CSMD1: variants seen among roughly 807,000 people sequenced by gnomAD.
CSMD1 encodes the protein CUB and Sushi multiple domains 1.
CSMD1 carries 213 observed loss-of-function variants against 417.5 expected under a neutral mutation model. That is an observed-to-expected ratio of 0.51 (90% CI 0.46 to 0.57). The LOEUF is 0.57. CSMD1 is among the 20% of genes least tolerant of loss of function. The pLI is 0.00. For missense variants in CSMD1, 6,923 were observed against 4,529.7 expected, an observed-to-expected ratio of 1.53 and a Z score of -15.17; for synonymous variants, 2,862 against 1,736.8, an observed-to-expected ratio of 1.65 and a Z score of -16.11.
intron 49 of CSMD1, among the ~76,000 whole-genome samples, chr8:3,077,832 G>A (rs1276498137): frequency 6.6e-6 from 1 of 152,222 alleles, no homozygotes; most frequent in Non-Finnish European, 1.5e-5. Flanking sequence ...ATCCTTCAGT[G>A]TCAGCTGGTA....
intron 2 of CSMD1, among the ~76,000 whole-genome samples, chr8:4,545,744 T>G (rs1797600487): frequency 6.6e-6 from 1 of 152,104 alleles, no homozygotes; most frequent in South Asian, 2.1e-4. Flanking sequence ...TTCACAGGCA[T>G]CCATGGAAAA....
chr8:4,760,667 G>C (rs1008646333), intron 1 of CSMD1, among the ~76,000 whole-genome samples: 3 of 152,020 alleles, frequency 2.0e-5, no homozygotes, highest in Admixed American at 6.6e-5. Context: ...GTAACATTTT[G>C]TCTATTTCCT....
intron 1 of CSMD1, among the ~76,000 whole-genome samples, chr8:4,846,065 G>C (rs1022336853): frequency 6.6e-6 from 1 of 152,094 alleles, no homozygotes; most frequent in Non-Finnish European, 1.5e-5. Flanking sequence ...CCGGTTTGTT[G>C]TGCTACGTCC....
chr8:4,387,731 A>G (rs541134734), intron 3 of CSMD1, among the ~76,000 whole-genome samples: 7 of 152,260 alleles, frequency 4.6e-5, no homozygotes, highest in Admixed American at 4.6e-4. Context: ...GCTAAAATAG[A>G]CATATTTCTA....
intron 18 of CSMD1, among the ~76,000 whole-genome samples, chr8:3,374,969 C>T (rs1237017899): frequency 5.9e-5 from 9 of 152,250 alleles, no homozygotes; most frequent in East Asian, 1.9e-4. Flanking sequence ...AGTTGAAGCA[C>T]GCAGACAATT....
chr8:3,180,623 G>A (rs147292644), intron 37 of CSMD1, among the ~76,000 whole-genome samples: 2 of 152,086 alleles, frequency 1.3e-5, no homozygotes, highest in East Asian at 3.9e-4. Flanking sequence ...CTCTCATAAT[G>A]TATATTTCTT....
intron 10 of CSMD1, among the ~76,000 whole-genome samples, chr8:3,535,249 A>T (rs993315139): frequency 6.6e-6 from 1 of 152,272 alleles, no homozygotes; most frequent in Non-Finnish European, 1.5e-5. Context: ...CACCGCACCC[A>T]GCCACTGTGG....
chr8:4,102,872 T>C (rs911144801), intron 3 of CSMD1, among the ~76,000 whole-genome samples: 5 of 152,182 alleles, frequency 3.3e-5, no homozygotes. Flanking sequence ...ACCAGCGCCC[T>C]TACCTCTGCA....
At chr8:4,236,495 G>T (rs899150304) in intron 3 of CSMD1, among the ~76,000 whole-genome samples, 3 of 152,102 alleles carry the variant, frequency 2.0e-5, no homozygotes, top group South Asian at 2.1e-4. Flanking sequence ...GCCAGAGTAG[G>T]AATCTGAGAT....
At chr8:4,745,694 G>C (rs1043383117) in intron 1 of CSMD1, among the ~76,000 whole-genome samples, 2 of 152,186 alleles carry the variant, frequency 1.3e-5, no homozygotes, top group Non-Finnish European at 1.5e-5. Context: ...ACAATTCTTA[G>C]CTACTGAGGG....
chr8:4,248,308 C>T (rs574762557), intron 3 of CSMD1, among the ~76,000 whole-genome samples: 1 of 152,170 alleles, frequency 6.6e-6, no homozygotes, highest in South Asian at 2.1e-4. Context: ...AATTTATATA[C>T]TAATCAATCA....
At chr8:4,479,914 C>T (rs1303631427) in intron 2 of CSMD1, among the ~76,000 whole-genome samples, 5 of 149,872 alleles carry the variant, frequency 3.3e-5, no homozygotes, top group Admixed American at 6.7e-5. Flanking sequence ...TGCAGTGAGC[C>T]GAGATGGAGC....
At chr8:3,841,617 C>G (rs143500104) in intron 5 of CSMD1, among the ~76,000 whole-genome samples, 1 of 152,006 alleles carries the variant, frequency 6.6e-6, no homozygotes, top group East Asian at 1.9e-4. Flanking sequence ...AGAACTGGAT[C>G]CTAGTTTTTC....
intron 26 of CSMD1, among the ~76,000 whole-genome samples, chr8:3,236,683 C>T (rs73185532): frequency 3.9e-5 from 6 of 152,118 alleles, no homozygotes; most frequent in Non-Finnish European, 8.8e-5. Context: ...ATTCCTCTTC[C>T]AGGGCTGTAT....
chr8:3,345,709 G>C (rs984894130), intron 22 of CSMD1, among the ~76,000 whole-genome samples: 4 of 152,154 alleles, frequency 2.6e-5, no homozygotes, highest in African/African-American at 9.7e-5. Context: ...ACCCTCCTCA[G>C]AGTTCAGCAT....
intron 2 of CSMD1, among the ~76,000 whole-genome samples, chr8:4,490,716 G>C (rs1469306226): frequency 2.0e-5 from 3 of 152,178 alleles, no homozygotes; most frequent in Admixed American, 6.5e-5. Context: ...GTGCATGGGA[G>C]ACAACAGAGG....
At chr8:4,510,119 A>C (rs1412990561) in intron 2 of CSMD1, among the ~76,000 whole-genome samples, 4 of 152,006 alleles carry the variant, frequency 2.6e-5, no homozygotes, top group Non-Finnish European at 4.4e-5. Context: ...GGTTGTATAA[A>C]GGGGAGTTCT....
intron 3 of CSMD1, among the ~76,000 whole-genome samples, chr8:4,285,683 A>G (rs1797021553): frequency 6.6e-6 from 1 of 152,188 alleles, no homozygotes; most frequent in South Asian, 2.1e-4. Context: ...GTGTAGGAAG[A>G]ATGGAGCTTT....
intron 23 of CSMD1, among the ~76,000 whole-genome samples, chr8:3,329,865 C>A (rs1305342910): frequency 6.6e-6 from 1 of 152,184 alleles, no homozygotes; most frequent in Non-Finnish European, 1.5e-5. Context: ...CTATGGCCCA[C>A]AGTCTCTTTA....
Sources: gnomAD v4.1 joint callset for allele counts (sites outside exome capture counted in the v4.1 genomes callset) on GRCh38, gnomAD v4.1.1 for gene constraint, MANE v1.5 for transcripts, NCBI Gene and HGNC (gene_info 2026-07-23, HGNC 2026-07-21) for gene names.